PCDH15: variants seen among roughly 807,000 people sequenced by gnomAD.
The protein encoded by PCDH15 is protocadherin related 15, also known as protocadherin-15.
A neutral mutation model predicts 178.5 loss-of-function variants in PCDH15; 129 were observed. That is an observed-to-expected ratio of 0.72 (90% CI 0.63 to 0.84). The LOEUF (loss-of-function observed/expected upper bound fraction) is 0.84. PCDH15 is among the 40% of genes least tolerant of loss of function. The pLI is 0.00. For missense variants in PCDH15, 2,230 were observed against 2,099.9 expected (o/e 1.06, Z -1.21); for synonymous variants, 800 against 732.0 (o/e 1.09, Z -1.50).
chr10:54,677,349 A>G (rs2094808691), intron 1 of PCDH15, among the ~76,000 whole-genome samples: 1 of 152,158 alleles, frequency 6.6e-6, no homozygotes, highest in African/African-American at 2.4e-5. Context: ...TACTGCAGGG[A>G]CAGATTGAGA....
At chr10:55,276,863 T>C (rs1243756747) in intron 1 of PCDH15, among the ~76,000 whole-genome samples, 2 of 151,296 alleles carry the variant, frequency 1.3e-5, no homozygotes, top group Non-Finnish European at 2.9e-5. Flanking sequence ...GTTACCCAGA[T>C]TGGGAAGGTC....
intron 3 of PCDH15, among the ~76,000 whole-genome samples, chr10:54,862,976 T>C (rs917804042): frequency 1.3e-5 from 2 of 152,190 alleles, no homozygotes; most frequent in African/African-American, 4.8e-5. Flanking sequence ...ATTTTATCTA[T>C]TATAGTAACT....
chr10:54,868,238 A>G (rs1591753298), intron 3 of PCDH15, among the ~76,000 whole-genome samples: 1 of 152,276 alleles, frequency 6.6e-6, no homozygotes, highest in South Asian at 2.1e-4. Context: ...ATGTATCCCA[A>G]ATTATAGATG....
At chr10:54,534,292 A>G (rs1589947193) in intron 2 of PCDH15, among the ~76,000 whole-genome samples, 1 of 152,288 alleles carries the variant, frequency 6.6e-6, no homozygotes, top group East Asian at 1.9e-4. Flanking sequence ...TGTGAAATAT[A>G]TTGTTATTAA....
chr10:54,679,004 C>T (rs962569711), intron 1 of PCDH15, among the ~76,000 whole-genome samples: 6 of 151,706 alleles, frequency 4.0e-5, no homozygotes, highest in African/African-American at 1.5e-4. Flanking sequence ...TCTTGGCTAA[C>T]ACGGTGAAAC....
intron 2 of PCDH15, among the ~76,000 whole-genome samples, chr10:55,508,961 A>C (rs532151482): frequency 2.2e-4 from 34 of 151,922 alleles, no homozygotes; most frequent in South Asian, 2.1e-3. Context: ...AAGCAAAACA[A>C]AACAAAACAA....
At chr10:55,022,716 T>C (rs1840362594) in intron 2 of PCDH15, among the ~76,000 whole-genome samples, 1 of 147,598 alleles carries the variant, frequency 6.8e-6, no homozygotes, top group Non-Finnish European at 1.5e-5. Context: ...TTTTTCTTTT[T>C]TTTTTTTTTT....
intron 1 of PCDH15, among the ~76,000 whole-genome samples, chr10:55,234,438 A>C (rs984038468): frequency 1.3e-5 from 2 of 151,692 alleles, no homozygotes; most frequent in African/African-American, 4.9e-5. Flanking sequence ...ACAGGGTCTC[A>C]CTCTCACTCA....
chr10:54,594,090 G>A (rs1042272963), intron 2 of PCDH15, among the ~76,000 whole-genome samples: 8 of 152,108 alleles, frequency 5.3e-5, no homozygotes, highest in African/African-American at 1.7e-4. Flanking sequence ...AGCAACTCCT[G>A]TGGAAGGGGT....
chr10:55,054,365 T>C (rs1841239896), intron 2 of PCDH15, among the ~76,000 whole-genome samples: 1 of 152,208 alleles, frequency 6.6e-6, no homozygotes, highest in Non-Finnish European at 1.5e-5. Context: ...TCTCATTCAT[T>C]TTTATGGCTG....
intron 2 of PCDH15, among the ~76,000 whole-genome samples, chr10:55,352,211 T>A: frequency 1.3e-5 from 2 of 152,066 alleles, no homozygotes; most frequent in African/African-American, 4.8e-5. Flanking sequence ...CTTTAATATG[T>A]GTTTATCACT....
chr10:53,947,902 G>A (rs1188164912), intron 23 of PCDH15, among the ~76,000 whole-genome samples: 1 of 152,082 alleles, frequency 6.6e-6, no homozygotes, highest in Non-Finnish European at 1.5e-5. Context: ...TGCAATCTAA[G>A]GTGTTTGGTT....
intron 2 of PCDH15, among the ~76,000 whole-genome samples, chr10:55,564,614 G>C (rs1842264186): frequency 6.6e-6 from 1 of 151,544 alleles, no homozygotes; most frequent in Non-Finnish European, 1.5e-5. Flanking sequence ...GTCTAAAAGA[G>C]ACTCACTCTA....
At chr10:54,373,927 T>C (rs918831438) in intron 4 of PCDH15, among the ~76,000 whole-genome samples, 9 of 152,086 alleles carry the variant, frequency 5.9e-5, no homozygotes, top group Non-Finnish European at 1.0e-4. Flanking sequence ...TAAGAAAAAA[T>C]TGGATATGGT....
At chr10:54,787,723 G>T (rs79711042) in intron 1 of PCDH15, among the ~76,000 whole-genome samples, 5,205 of 151,966 alleles carry the variant, frequency 0.034, 251 homozygotes, top group African/African-American at 0.12. Context: ...AAGCTGCTGA[G>T]AGCCAACATA....
At position 53,822,891 on chromosome 10, in the gene PCDH15, G is replaced by GTGTT. The variant is rs545191822; in HGVS notation, c.4368-2665_4368-2662dup. Reference sequence around the variant, plus strand: ...ACCTCTTTTGTTTGTACAGATTCCAGTGTTTTCATTTTCAGCTTTCTGCCT... The same window carrying GTGTT: ...ACCTCTTTTGTTTGTACAGATTCCAGTGTTTGTTTTCATTTTCAGCTTTCTGCCT... On this transcript the variant is annotated intron_variant, in intron 32 of 37. Coordinates refer to ENST00000644397, the MANE Select transcript of PCDH15 (RefSeq NM_001384140.1). The GTGTT allele has an allele frequency of 5.5e-4, 882 of 1,614,102 alleles. 4 individuals carry two copies. The African/African-American group carries it at 0.01, about 19-fold the overall frequency.
intron 2 of PCDH15, among the ~76,000 whole-genome samples, chr10:55,547,271 T>G (rs1841905343): frequency 6.6e-6 from 1 of 152,186 alleles, no homozygotes; most frequent in Non-Finnish European, 1.5e-5. Flanking sequence ...ACAGTTTCTA[T>G]GCACAAGTTC....
At chr10:55,179,325 C>T (rs907443592) in intron 1 of PCDH15, among the ~76,000 whole-genome samples, 4 of 152,012 alleles carry the variant, frequency 2.6e-5, no homozygotes, top group African/African-American at 7.2e-5. Context: ...AGGATACAGA[C>T]GAATTCCTAG....
intron 2 of PCDH15, among the ~76,000 whole-genome samples, chr10:55,586,720 A>G (rs1372595308): frequency 6.6e-6 from 1 of 152,180 alleles, no homozygotes; most frequent in African/African-American, 2.4e-5. Context: ...GATTAAAAAT[A>G]TGGTTGGCTG....
Sources: gnomAD v4.1 joint callset for allele counts (sites outside exome capture counted in the v4.1 genomes callset) on GRCh38, gnomAD v4.1.1 for gene constraint, MANE v1.5 for transcripts, NCBI Gene and HGNC (gene_info 2026-07-23, HGNC 2026-07-21) for gene names.